The following MLLT3 variants were observed in gnomAD, a reference collection of about 807,000 sequenced individuals.
The protein encoded by MLLT3 is protein AF-9.
MLLT3 carries 4 observed loss-of-function variants against 53.2 expected under a neutral mutation model. That is an observed-to-expected ratio of 0.08 (90% CI 0.04 to 0.17). MLLT3 has a LOEUF of 0.17. Among genes scored for constraint, MLLT3 ranks in the 10% least tolerant of loss-of-function variants. MLLT3 has a pLI of 1.00. For missense variants in MLLT3, 569 were observed against 684.0 expected (o/e 0.83, Z 1.87); for synonymous variants, 283 against 230.6 (o/e 1.23, Z -2.06).
At chr9:20,533,682 C>T (rs899169724) in intron 2 of MLLT3, among the ~76,000 whole-genome samples, 5 of 152,198 alleles carry the variant, frequency 3.3e-5, no homozygotes, top group African/African-American at 1.2e-4. Context: ...GATGAATAAA[C>T]TGTGATACAT....
intron 2 of MLLT3, among the ~76,000 whole-genome samples, chr9:20,508,897 T>A (rs1027479180): frequency 2.6e-5 from 4 of 152,222 alleles, no homozygotes; most frequent in Non-Finnish European, 5.9e-5. Context: ...AAGGAACTCA[T>A]AACCAAAAGA....
intron 2 of MLLT3, among the ~76,000 whole-genome samples, chr9:20,588,499 G>T (rs892547742): frequency 1.6e-4 from 24 of 152,276 alleles, no homozygotes; most frequent in African/African-American, 5.8e-4. Context: ...CGATTTGTTT[G>T]TAACCCCTTT....
Position 20,622,407 on chromosome 9 carries a change from C to G in MLLT3, c.-151G>C, listed in dbSNP as rs564145418. On this transcript the variant is annotated 5_prime_UTR_variant, in exon 1 of 11. Transcript: ENST00000380338. ...CGGACATTCTCTGCCTTTTTCCCCC[C>G]GCGCTCGCTTGCTCGCTCGCTCGCT... 7.1e-6 allele frequency: 5 copies of G among 706,100 alleles called. No individual in the cohort carries two copies. The highest frequency in any genetic ancestry group is 2.1e-5 in the South Asian group (1 of 46,806). 43.7% of individuals were successfully genotyped at this position (706,100 alleles called of 1,614,324 possible). A position where few individuals can be genotyped will look rare whatever the true frequency, so the allele number is the denominator to read the frequency against.
intron 2 of MLLT3, among the ~76,000 whole-genome samples, chr9:20,501,536 G>A (rs374229194): frequency 6.6e-4 from 101 of 152,046 alleles, no homozygotes; most frequent in African/African-American, 2.4e-3. Context: ...TGGATCATGA[G>A]GTCAGGAGAT....
intron 2 of MLLT3, among the ~76,000 whole-genome samples, chr9:20,548,899 G>C (rs1014502978): frequency 1.3e-5 from 2 of 150,608 alleles, no homozygotes; most frequent in African/African-American, 2.5e-5. Context: ...CTGCATCCTC[G>C]ACCTCCCCCG....
Position 20,346,183 on chromosome 9 carries a change from TAA to T in MLLT3, c.*258_*259del, listed in dbSNP as rs1166824999. ...TGTTTGTTTTCAAGGCTATCCAGGC[TAA>T]CTCTTCCCGGGGATTTCCTTGGAGA... On this transcript the variant is annotated 3_prime_UTR_variant, in exon 11 of 11. Transcript: ENST00000380338. The T allele has an allele frequency of 1.3e-5, 5 of 378,142 alleles. No individual in the cohort carries two copies. The highest frequency in any genetic ancestry group is 2.4e-5 in the Non-Finnish European group (5 of 209,758). The allele number at this position is 378,142 out of a possible 1,614,324, so 23.4% of individuals were successfully genotyped here. A position where few individuals can be genotyped will look rare whatever the true frequency, so the allele number is the denominator to read the frequency against.
At chr9:20,354,455 T>C (rs560976689) in intron 9 of MLLT3, among the ~76,000 whole-genome samples, 55 of 152,374 alleles carry the variant, frequency 3.6e-4, no homozygotes, top group African/African-American at 1.3e-3. Flanking sequence ...ACGCACACTC[T>C]GGGAAAGCAC....
At chr9:20,428,787 T>G (rs77705473) in intron 4 of MLLT3, among the ~76,000 whole-genome samples, 4,903 of 151,994 alleles carry the variant, frequency 0.032, 118 homozygotes, top group Non-Finnish European at 0.053. Context: ...AAATACAGCA[T>G]AGGAAGAAAA....
intron 5 of MLLT3, among the ~76,000 whole-genome samples, chr9:20,404,655 C>A (rs1234704434): frequency 1.3e-5 from 2 of 152,272 alleles, no homozygotes; most frequent in East Asian, 1.9e-4. Context: ...CAGGCGTGCA[C>A]TACCACGCCC....
rs867102338 is a variant in MLLT3 at position 20,621,080 on chromosome 9, C to G, written c.13-246G>C. The stretch of plus-strand genomic sequence containing the variant: ...GCATCTACATCGGACAGGATTGTAA[C>G]GGAATGTTATCCCCAGTCGGGAAGG... On this transcript the variant is annotated intron_variant, in intron 1 of 10. Transcript: ENST00000380338. This position sits in a 1 kb window ranked among gnomAD's most constrained non-coding sequence, Gnocchi z 7.0. The G allele has an allele frequency of 1.6e-6, 1 of 642,242 alleles. No homozygotes were observed. The highest frequency in any genetic ancestry group is 1.6e-5 in the South Asian group (1 of 61,004). The allele number at this position is 642,242 out of a possible 1,614,324, so 39.8% of individuals were successfully genotyped here.
At chr9:20,483,554 G>A (rs1279152190) in intron 2 of MLLT3, among the ~76,000 whole-genome samples, 2 of 151,528 alleles carry the variant, frequency 1.3e-5, no homozygotes, top group Non-Finnish European at 2.9e-5. Context: ...TTTTTAAAAG[G>A]AGAAAATATG....
chr9:20,580,362 T>C lies in MLLT3; in HGVS notation c.193+40292A>G, dbSNP rs868609874. 2.1e-5 allele frequency among the ~76,000 whole-genome samples: 3 copies of C among 145,370 alleles called. No individual in the cohort carries two copies. In the South Asian group the frequency reaches 6.5e-4, roughly 31 times the overall value. The stretch of plus-strand genomic sequence containing the variant: ...TGCATGTTACGTTAGTTAACTTGAC[T>C]TTTTTTTTTTTAAGCTCGATTTCTT... On this transcript the variant is annotated intron_variant, in intron 2 of 10. Coordinates refer to ENST00000380338, the MANE Select transcript of MLLT3 (RefSeq NM_004529.4).
intron 4 of MLLT3, among the ~76,000 whole-genome samples, chr9:20,429,323 G>T (rs980635043): frequency 6.6e-6 from 1 of 152,028 alleles, no homozygotes; most frequent in African/African-American, 2.4e-5. Context: ...AGCCATGACT[G>T]CACCACTGCA....
intron 5 of MLLT3, among the ~76,000 whole-genome samples, chr9:20,381,136 A>G (rs969086262): frequency 6.6e-6 from 1 of 151,970 alleles, no homozygotes; most frequent in Non-Finnish European, 1.5e-5. Context: ...TCTCAAAAGA[A>G]AATGCTCCAA....
intron 2 of MLLT3, among the ~76,000 whole-genome samples, chr9:20,600,131 AAAAAAAC>A (rs1157300190): frequency 4.8e-5 from 3 of 62,880 alleles, no homozygotes; most frequent in Non-Finnish European, 6.9e-5. Flanking sequence ...TGTCCAAAAA[AAAAAAAC>A]AAAAAACAAA....
At chr9:20,399,739 G>A (rs1313897334) in intron 5 of MLLT3, among the ~76,000 whole-genome samples, 1 of 152,080 alleles carries the variant, frequency 6.6e-6, no homozygotes, top group Non-Finnish European at 1.5e-5. Context: ...CGGTCAGACT[G>A]GAGAAGGCTT....
chr9:20,553,222 C>G (rs933462779), intron 2 of MLLT3, among the ~76,000 whole-genome samples: 3 of 152,114 alleles, frequency 2.0e-5, no homozygotes, highest in African/African-American at 7.2e-5. Flanking sequence ...CCTCATTTCT[C>G]GACACTAAAT....
intron 2 of MLLT3, among the ~76,000 whole-genome samples, chr9:20,494,906 A>C (rs113343704): frequency 6.6e-6 from 1 of 152,224 alleles, no homozygotes; most frequent in African/African-American, 2.4e-5. Context: ...GTAAGCCCAT[A>C]GTTGTACTAT....
rs752488057 is a variant in MLLT3, at chr9:20,420,449, C to T, written c.421-6024G>A. 1.9e-4 allele frequency among the ~76,000 whole-genome samples: 29 copies of T among 152,138 alleles called. 1 individual carries two copies. In the Middle Eastern group the frequency reaches 0.014, roughly 71 times the overall value. ...ATGCCCCCAAAAGAAAGTATGAGTG[C>T]TAGATTAATATCAGATCATGTGGAA... On this transcript the variant is annotated intron_variant, in intron 4 of 10. Coordinates refer to ENST00000380338, the MANE Select transcript of MLLT3 (RefSeq NM_004529.4).
Sources: allele counts gnomAD v4.1 joint callset (sites outside exome capture counted in the v4.1 genomes callset), GRCh38; gene constraint gnomAD v4.1.1; non-coding constraint Gnocchi (gnomAD v3.1); transcripts MANE v1.5; gene names NCBI Gene and HGNC (gene_info 2026-07-23, HGNC 2026-07-21).